The following RPS6KA2 variants were observed in gnomAD, a reference collection of about 807,000 sequenced individuals.
RPS6KA2 encodes the protein ribosomal protein S6 kinase A2, also known as ribosomal protein S6 kinase alpha-2.
Under a neutral mutation model 91.8 loss-of-function variants are expected in RPS6KA2, and 42 were observed. The ratio of observed to expected loss-of-function variants is 0.46; its 90% CI spans 0.36 to 0.59. The LOEUF is 0.59. Ranked by LOEUF, RPS6KA2 falls within the 20% of genes least tolerant of loss-of-function variation. The pLI is 0.00. For missense variants in RPS6KA2, 798 were observed against 978.5 expected (o/e 0.82, Z 2.46); for synonymous variants, 414 against 393.6 (o/e 1.05, Z -0.61).
chr6:166,675,194 C>T (rs1788583827), intron 2 of RPS6KA2, among the ~76,000 whole-genome samples: 1 of 152,216 alleles, frequency 6.6e-6, no homozygotes, highest in East Asian at 1.9e-4. Flanking sequence ...CCCAAGTCTT[C>T]TGCTTAAAAG....
In RPS6KA2 at chr6:166,770,863, C is replaced by A. The variant is rs1277297575; in HGVS notation, c.123+87337G>T. On this transcript the variant is annotated intron_variant, in intron 2 of 21. Transcript: ENST00000503859. The surrounding 1 kb of genome is among the most constrained non-coding windows in gnomAD (Gnocchi z 5.1). ...ACAAACCCACAGGAACGCTTCTTACCTCTACGGATCCAGCTACCTTTGTCT... is the reference window on the plus strand; with the variant it reads ...ACAAACCCACAGGAACGCTTCTTACATCTACGGATCCAGCTACCTTTGTCT... 4.4e-6 allele frequency: 7 copies of A among 1,595,060 alleles called. No homozygotes were observed. The highest frequency in any genetic ancestry group is 5.9e-6 in the Non-Finnish European group (7 of 1,179,052).
intron 2 of RPS6KA2, among the ~76,000 whole-genome samples, chr6:166,834,025 T>C (rs188620960): frequency 1.4e-4 from 22 of 152,308 alleles, no homozygotes; most frequent in Admixed American, 2.6e-4. Context: ...TGAGTCACCA[T>C]GCCTGTCCCC....
intron 12 of RPS6KA2, among the ~76,000 whole-genome samples, chr6:166,451,689 T>G (rs975981600): frequency 6.6e-6 from 1 of 152,228 alleles, no homozygotes; most frequent in African/African-American, 2.4e-5. Context: ...CCCACCCCTG[T>G]GCCCACAGCT....
chr6:166,764,522 G>A (rs904667693), intron 2 of RPS6KA2, among the ~76,000 whole-genome samples: 2 of 152,146 alleles, frequency 1.3e-5, no homozygotes, highest in Non-Finnish European at 2.9e-5. Context: ...GTGAGAAGGC[G>A]GGCAGGGGTG....
chr6:166,577,494 T>C (rs1326131308), intron 1 of RPS6KA2, among the ~76,000 whole-genome samples: 2 of 152,240 alleles, frequency 1.3e-5, no homozygotes, highest in East Asian at 3.8e-4. Flanking sequence ...AAGTGAGATG[T>C]GGAGTCAATG....
At chr6:166,677,297 G>C (rs533242627) in intron 2 of RPS6KA2, among the ~76,000 whole-genome samples, 3 of 151,764 alleles carry the variant, frequency 2.0e-5, no homozygotes, top group Admixed American at 6.6e-5. Flanking sequence ...TAAAATAGTA[G>C]AAGATACTAT....
intron 1 of RPS6KA2, among the ~76,000 whole-genome samples, chr6:166,606,082 A>G (rs1371923723): frequency 6.6e-6 from 1 of 152,226 alleles, no homozygotes; most frequent in African/African-American, 2.4e-5. Flanking sequence ...GGCTGCACAC[A>G]TTAGGCTCTT....
At chr6:166,647,863 CACACAT>C (rs3071063) in intron 2 of RPS6KA2, among the ~76,000 whole-genome samples, 30,022 of 133,386 alleles carry the variant, frequency 0.23, 4,174 homozygotes, top group African/African-American at 0.38. Flanking sequence ...CATGCTCATA[CACACAT>C]GCACATGCTG....
chr6:166,425,328 A>G (rs879486958), intron 16 of RPS6KA2, among the ~76,000 whole-genome samples: 6 of 152,196 alleles, frequency 3.9e-5, no homozygotes, highest in Non-Finnish European at 5.9e-5. Flanking sequence ...AACAACAGGT[A>G]CCAGCCACTG....
At chr6:166,721,315 G>A (rs750193199) in intron 2 of RPS6KA2, among the ~76,000 whole-genome samples, 13 of 152,242 alleles carry the variant, frequency 8.5e-5, no homozygotes, top group South Asian at 2.1e-4. Context: ...GGAAAATACC[G>A]GAGAGGCAAA....
Position 166,449,778 on chromosome 6 carries a change from A to AGGGACCACCATGGGAGCCACCACG in RPS6KA2, c.1207-953_1207-930dup, listed in dbSNP as rs565347114. On this transcript the variant is annotated intron_variant, in intron 13 of 20. Coordinates refer to ENST00000265678, the MANE Select transcript of RPS6KA2 (RefSeq NM_021135.6). ...GGAATACCACCACGGAGACCATTACAGGGACCACCATGGGAGCCACCACGG... is the reference window on the plus strand; with the variant it reads ...GGAATACCACCACGGAGACCATTACAGGGACCACCATGGGAGCCACCACGGGGACCACCATGGGAGCCACCACGG... Among the ~76,000 whole-genome samples the AGGGACCACCATGGGAGCCACCACG allele has an allele frequency of 1.6e-4, 23 of 143,928 alleles. 3 individuals are homozygous for AGGGACCACCATGGGAGCCACCACG. In the East Asian group the frequency reaches 3.6e-3, roughly 23 times the overall value. The allele number at this position is 143,928 out of a possible 152,430, so 94.4% of individuals were successfully genotyped here.
intron 10 of RPS6KA2, among the ~76,000 whole-genome samples, chr6:166,472,899 G>T (rs1380892034): frequency 2.0e-5 from 3 of 152,140 alleles, no homozygotes; most frequent in Admixed American, 6.5e-5. Flanking sequence ...ACAGAAGGCC[G>T]GAATTCCCTC....
At chr6:166,710,464 G>A (rs1324917026) in intron 2 of RPS6KA2, among the ~76,000 whole-genome samples, 1 of 144,210 alleles carries the variant, frequency 6.9e-6, no homozygotes, top group Non-Finnish European at 1.5e-5. Flanking sequence ...TGGGGTATAT[G>A]TGTATGGTAT....
chr6:166,425,077 A>C (rs868754761), intron 16 of RPS6KA2, among the ~76,000 whole-genome samples: 2 of 146,226 alleles, frequency 1.4e-5, no homozygotes, highest in Non-Finnish European at 2.9e-5. Context: ...ATGGAAGGGA[A>C]ACTCCTCTAG....
rs1349492077 is a variant in RPS6KA2 at position 166,559,384 on chromosome 6, GT to G, written c.100-20601del. 6.2e-4 allele frequency among the ~76,000 whole-genome samples: 94 copies of G among 152,310 alleles called. 1 individual carries two copies. Among genetic ancestry groups the G allele is most frequent in the Non-Finnish European group, 1.0e-4 (7 of 68,028 alleles). ...TTGTCAGTGTTGCCTCATCCTTCAA[GT>G]GTGCACCAGCCAAACACGCAAACCT... is the stretch of plus-strand genomic sequence containing the variant. On this transcript the variant is annotated intron_variant, in intron 1 of 20. Transcript: ENST00000265678.
intron 2 of RPS6KA2, among the ~76,000 whole-genome samples, chr6:166,698,221 G>A (rs1413271649): frequency 6.6e-6 from 1 of 152,214 alleles, no homozygotes; most frequent in African/African-American, 2.4e-5. Context: ...GGTATGTGTA[G>A]CAGGTGAAGT....
intron 1 of RPS6KA2, among the ~76,000 whole-genome samples, chr6:166,569,332 C>T (rs1055715321): frequency 1.3e-5 from 2 of 152,228 alleles, no homozygotes; most frequent in Non-Finnish European, 1.5e-5. Context: ...CTGGGCGTCA[C>T]GTGAGGTTAG....
At chr6:166,610,902 T>A (rs866538649) in intron 1 of RPS6KA2, among the ~76,000 whole-genome samples, 4 of 152,234 alleles carry the variant, frequency 2.6e-5, no homozygotes, top group Non-Finnish European at 5.9e-5. Flanking sequence ...CTTTCTTTTT[T>A]GAATCCTCAC....
chr6:166,462,524 G>A (rs562795256), intron 11 of RPS6KA2, among the ~76,000 whole-genome samples: 6 of 152,320 alleles, frequency 3.9e-5, no homozygotes, highest in Admixed American at 3.9e-4. Context: ...TTAATACTAA[G>A]TATCTGCTGC....
Sources: gnomAD v4.1 joint callset for allele counts (sites outside exome capture counted in the v4.1 genomes callset) on GRCh38, gnomAD v4.1.1 for gene constraint, Gnocchi (gnomAD v3.1) non-coding constraint, MANE v1.5 for transcripts, NCBI Gene and HGNC (gene_info 2026-07-23, HGNC 2026-07-21) for gene names.